FHOD3: variants seen among roughly 807,000 people sequenced by gnomAD.
The protein encoded by FHOD3 is FH1/FH2 domain-containing protein 3.
FHOD3 carries 90 observed loss-of-function variants against 173.0 expected under a neutral mutation model. That is an observed-to-expected ratio of 0.52 (90% CI 0.44 to 0.62). The LOEUF (loss-of-function observed/expected upper bound fraction) is 0.62, where lower values mean the gene tolerates loss of function less well. Ranked by LOEUF, FHOD3 falls within the 20% of genes least tolerant of loss-of-function variation. The pLI, the probability that FHOD3 is intolerant of heterozygous loss-of-function variation, is 0.00. For missense variants in FHOD3, 1,945 were observed against 2,034.7 expected, an observed-to-expected ratio of 0.96 and a Z score of 0.85; for synonymous variants, 828 against 823.0, an observed-to-expected ratio of 1.01 and a Z score of -0.10.
chr18:36,568,498 G>C lies in FHOD3; in HGVS notation c.512-7953G>C, dbSNP rs1265580786. On this transcript the variant is annotated intron_variant, in intron 5 of 28. Coordinates refer to ENST00000590592, the MANE Select transcript of FHOD3 (RefSeq NM_001281740.3). ...GTGAAAGTTTTATGTGAACCCCTGG[G>C]CTCCACACAGACTGCATGCATGAAT... is the stretch of plus-strand genomic sequence containing the variant. Among the ~76,000 whole-genome samples, 14 of 151,822 alleles carry C rather than the reference G, an allele frequency of 9.2e-5. No individual in the cohort carries two copies. In the East Asian group the frequency reaches 2.5e-3, roughly 27 times the overall value.
chr18:36,352,431 C>CTG (rs2046173564), intron 1 of FHOD3, among the ~76,000 whole-genome samples: 1 of 152,206 alleles, frequency 6.6e-6, no homozygotes, highest in Admixed American at 6.5e-5. Flanking sequence ...TCTTACAGAT[C>CTG]TGTGTGGTAG....
At chr18:36,511,439 G>A (rs1399631967) in intron 4 of FHOD3, among the ~76,000 whole-genome samples, 1 of 151,026 alleles carries the variant, frequency 6.6e-6, no homozygotes, top group East Asian at 1.9e-4. Context: ...CATTAAATCA[G>A]TGGTTCTTGA....
At chr18:36,480,215 C>A (rs1363639391) in intron 3 of FHOD3, among the ~76,000 whole-genome samples, 1 of 152,186 alleles carries the variant, frequency 6.6e-6, no homozygotes, top group South Asian at 2.1e-4. Context: ...AGTGCTGCTC[C>A]AGGGGCCCCT....
At chr18:36,665,826 A>T (rs756841474) in intron 14 of FHOD3, among the ~76,000 whole-genome samples, 1 of 152,166 alleles carries the variant, frequency 6.6e-6, no homozygotes, top group African/African-American at 2.4e-5. Context: ...AACACAGGAG[A>T]TGCTGGTGGC....
At position 36,718,160 on chromosome 18, in the gene FHOD3, C is replaced by T. The variant is rs764866261; in HGVS notation, c.2862C>T (p.Ile954=). 7.5e-6 allele frequency: 12 copies of T among 1,610,372 alleles called. No homozygotes were observed. In the Admixed American group the frequency reaches 1.8e-4, roughly 25 times the overall value. ...GTGGGGACCTGGGGAGAGGTTCCAT[C>T]TCCCCTGATGCTGAGCCCAATGACA... The part of the protein sequence containing the change: ...FNSGDLGRGS[I]SPDAEPNDKV... The change falls in exon 19 of 29, where the codon ATC becomes ATT. Residue 954 remains isoleucine (I), a synonymous_variant. Coordinates refer to ENST00000590592, the MANE Select transcript of FHOD3 (RefSeq NM_001281740.3).
At chr18:36,547,212 C>G (rs1464086712) in intron 5 of FHOD3, among the ~76,000 whole-genome samples, 4 of 152,168 alleles carry the variant, frequency 2.6e-5, no homozygotes, top group Non-Finnish European at 4.4e-5. Flanking sequence ...CAGCACCAGG[C>G]CGGCCTGTTC....
At chr18:36,555,152 T>C (rs2057823412) in intron 5 of FHOD3, among the ~76,000 whole-genome samples, 1 of 152,194 alleles carries the variant, frequency 6.6e-6, no homozygotes, top group South Asian at 2.1e-4. Flanking sequence ...TTTGAGACTT[T>C]TGTTGTAGAC....
chr18:36,675,702 G>A (rs905313771), intron 14 of FHOD3, among the ~76,000 whole-genome samples: 2 of 152,180 alleles, frequency 1.3e-5, no homozygotes, highest in African/African-American at 2.4e-5. Context: ...TGGGAGCACG[G>A]AGACTAGCAT....
At chr18:36,755,410 T>C in intron 25 of FHOD3, 99 bp downstream of exon 25, 2 of 806,490 alleles carry the variant, frequency 2.5e-6, no homozygotes, top group African/African-American at 4.1e-5. Flanking sequence ...TTTTTTTTTT[T>C]TTTTTTTTTT....
At chr18:36,452,462 C>T (rs972335768) in intron 3 of FHOD3, among the ~76,000 whole-genome samples, 2 of 152,178 alleles carry the variant, frequency 1.3e-5, no homozygotes, top group Non-Finnish European at 2.9e-5. Flanking sequence ...GAACATTTAA[C>T]ATAAGATCTA....
In FHOD3 at chr18:36,614,496, G is replaced by C. The variant is rs1001323018; in HGVS notation, c.957+2401G>C. Among the ~76,000 whole-genome samples the C allele has an allele frequency of 2.0e-5, 3 of 152,170 alleles. No homozygotes were observed. The South Asian group carries it at 6.2e-4, about 32-fold the overall frequency. On this transcript the variant is annotated intron_variant, in intron 9 of 28. Transcript: ENST00000590592. ...TGAAGTTTGTGTACATACGTTTTCA[G>C]TTCTCTTGGGTTTATACCTAGAAGT... is the stretch of plus-strand genomic sequence containing the variant.
chr18:36,747,325 C>A (rs1480068071), intron 24 of FHOD3, among the ~76,000 whole-genome samples, 190 bp downstream of exon 24: 1 of 152,086 alleles, frequency 6.6e-6, no homozygotes, highest in Non-Finnish European at 1.5e-5. Context: ...TAATATAATG[C>A]CATCAAACCT....
chr18:36,676,366 T>C (rs1026077006), intron 14 of FHOD3, among the ~76,000 whole-genome samples: 2 of 152,232 alleles, frequency 1.3e-5, no homozygotes, highest in Non-Finnish European at 2.9e-5. Context: ...ATTCTAGTTA[T>C]TAATTTTCAC....
At chr18:36,721,561 T>C (rs1033729390) in intron 19 of FHOD3, among the ~76,000 whole-genome samples, 2 of 152,038 alleles carry the variant, frequency 1.3e-5, no homozygotes, top group Non-Finnish European at 1.5e-5. Flanking sequence ...TGGGAAGATA[T>C]CCTGAGCCTG....
rs368560295 is a variant in FHOD3, at chr18:36,408,142, C to G, written c.337+35398C>G. Among the ~76,000 whole-genome samples the G allele has an allele frequency of 5.3e-4, 80 of 152,338 alleles. 2 individuals carry two copies. Among genetic ancestry groups the G allele is most frequent in the African/African-American group, 1.9e-3 (77 of 41,570 alleles). ...CAGGTGCCACATTAGCATGAATCCT[C>G]TGTCCTGTCCATTCACCAGTCTTTC... On this transcript the variant is annotated intron_variant, in intron 3 of 28. Coordinates refer to ENST00000590592, the MANE Select transcript of FHOD3 (RefSeq NM_001281740.3).
At chr18:36,620,119 G>T (rs1486529994) in intron 9 of FHOD3, among the ~76,000 whole-genome samples, 2 of 152,176 alleles carry the variant, frequency 1.3e-5, no homozygotes, top group East Asian at 3.9e-4. Flanking sequence ...TTCATGACCA[G>T]TAAGATGAAA....
At chr18:36,332,740 G>T (rs181161734) in intron 1 of FHOD3, among the ~76,000 whole-genome samples, 89 of 152,350 alleles carry the variant, frequency 5.8e-4, no homozygotes, top group African/African-American at 2.0e-3. Flanking sequence ...TCAGGTTGGA[G>T]TGGGTGGGCA....
rs576875684 is a variant in FHOD3 at position 36,354,627 on chromosome 18, C to T, written c.166-912C>T. On this transcript the variant is annotated intron_variant, in intron 1 of 28. Coordinates refer to ENST00000590592, the MANE Select transcript of FHOD3 (RefSeq NM_001281740.3). Reference sequence around the variant, plus strand: ...GACCAGGCTGGCCAAAATGGCAAAACCCCATCTCTACTAAAAATACAAAAC... The same window carrying T: ...GACCAGGCTGGCCAAAATGGCAAAATCCCATCTCTACTAAAAATACAAAAC... 3.3e-5 allele frequency among the ~76,000 whole-genome samples: 5 copies of T among 152,124 alleles called. No homozygotes were observed. In the East Asian group the frequency reaches 9.7e-4, roughly 29 times the overall value.
intron 5 of FHOD3, among the ~76,000 whole-genome samples, chr18:36,545,186 C>T (rs528360565): frequency 8.5e-5 from 13 of 152,272 alleles, no homozygotes; most frequent in African/African-American, 1.4e-4. Flanking sequence ...TTTTGTGCCC[C>T]GTGTGCCAGG....
Sources: gnomAD v4.1 joint callset for allele counts (sites outside exome capture counted in the v4.1 genomes callset) on GRCh38, gnomAD v4.1.1 for gene constraint, MANE v1.5 for transcripts, NCBI Gene and HGNC (gene_info 2026-07-23, HGNC 2026-07-21) for gene names.